PIBF1: variants seen among roughly 807,000 people sequenced by gnomAD.
The protein encoded by PIBF1 is progesterone-induced-blocking factor 1.
Under a neutral mutation model 112.5 loss-of-function variants are expected in PIBF1, and 90 were observed. The ratio of observed to expected loss-of-function variants is 0.80; its 90% CI spans 0.67 to 0.95. The LOEUF (loss-of-function observed/expected upper bound fraction) is 0.95. PIBF1 is among the 40% of genes least tolerant of loss of function. The probability of loss-of-function intolerance (pLI) is 0.00; values close to 1 mark genes in which losing one functional copy is unlikely to be tolerated. For missense variants in PIBF1, 915 were observed against 852.3 expected, an observed-to-expected ratio of 1.07 and a Z score of -0.92; for synonymous variants, 301 against 288.6, an observed-to-expected ratio of 1.04 and a Z score of -0.44.
chr13:72,924,021 G>C (rs996173375), intron 13 of PIBF1, among the ~76,000 whole-genome samples: 10 of 152,142 alleles, frequency 6.6e-5, no homozygotes, highest in African/African-American at 2.4e-4. Flanking sequence ...TATGTTTATT[G>C]TGTTAAGGAG....
At chr13:72,816,465 C>G (rs1473402065) in intron 5 of PIBF1, among the ~76,000 whole-genome samples, 1 of 152,026 alleles carries the variant, frequency 6.6e-6, no homozygotes, top group Non-Finnish European at 1.5e-5. Context: ...GAGTTCAAGA[C>G]TGCTCTGGAC....
At chr13:72,817,961 G>A (rs1261678861) in intron 5 of PIBF1, among the ~76,000 whole-genome samples, 1 of 152,068 alleles carries the variant, frequency 6.6e-6, no homozygotes, top group Non-Finnish European at 1.5e-5. Context: ...TTGAAAAATT[G>A]TAAATAAAGT....
chr13:72,901,979 G>A (rs982929987), intron 11 of PIBF1, among the ~76,000 whole-genome samples: 1 of 93,596 alleles, frequency 1.1e-5, no homozygotes, highest in African/African-American at 3.8e-5. Flanking sequence ...CAATCGAATG[G>A]ATAAAGAAAC....
rs977562882 is a variant in PIBF1 at position 72,931,768 on chromosome 13, A to C, written c.1833+501A>C. Among the ~76,000 whole-genome samples, 18 of 131,898 alleles carry C rather than the reference A, an allele frequency of 1.4e-4. 1 individual carries two copies. The highest frequency in any genetic ancestry group is 2.9e-4 in the Non-Finnish European group (18 of 61,898). The allele number at this position is 131,898 out of a possible 152,430, so 86.5% of individuals were successfully genotyped here. A position where few individuals can be genotyped will look rare whatever the true frequency, so the allele number is the denominator to read the frequency against. ...TGTATGCATTTTACATAGCATTTTT[A>C]ATCATCTTCTGATGTCAAGATCTAA... On this transcript the variant is annotated intron_variant, in intron 14 of 17. Transcript: ENST00000326291.
At chr13:72,929,823 T>C (rs1488265712) in intron 13 of PIBF1, among the ~76,000 whole-genome samples, 1 of 152,178 alleles carries the variant, frequency 6.6e-6, no homozygotes, top group Non-Finnish European at 1.5e-5. Flanking sequence ...TATGAGTTCT[T>C]AGAAATAGAT....
chr13:72,931,721 T>A, intron 14 of PIBF1, among the ~76,000 whole-genome samples: 1 of 88,134 alleles, frequency 1.1e-5, no homozygotes, highest in East Asian at 2.9e-4. Flanking sequence ...AAACTACGTA[T>A]ATATATATAT....
At chr13:72,958,295 G>A (rs1463754471) in intron 14 of PIBF1, among the ~76,000 whole-genome samples, 5 of 89,796 alleles carry the variant, frequency 5.6e-5, no homozygotes, top group Non-Finnish European at 7.7e-5. Context: ...GGATGACAAA[G>A]CAAGACCCTA....
Position 72,964,586 on chromosome 13 carries a change from AATT to A in PIBF1, c.1834-684_1834-682del, listed in dbSNP as rs535342974. 4.1e-3 allele frequency among the ~76,000 whole-genome samples: 625 copies of A among 152,334 alleles called. 3 individuals are homozygous for A. The highest frequency in any genetic ancestry group is 6.6e-3 in the Admixed American group (101 of 15,298). On this transcript the variant is annotated intron_variant, in intron 14 of 17. Coordinates refer to ENST00000326291, the MANE Select transcript of PIBF1 (RefSeq NM_006346.4). Reference sequence around the variant, plus strand: ...ACAAGGGAATATGAAGAAATGAAAAAATTATTGAATTATGGTGTGAATATTTTT... The same window carrying A: ...ACAAGGGAATATGAAGAAATGAAAAAATTGAATTATGGTGTGAATATTTTT...
intron 11 of PIBF1, among the ~76,000 whole-genome samples, chr13:72,898,584 C>G (rs1199119336): frequency 6.6e-6 from 1 of 151,842 alleles, no homozygotes; most frequent in Non-Finnish European, 1.5e-5. Context: ...CGCCTGTAAT[C>G]CCAGCACTTT....
At chr13:72,884,792 T>C (rs2039778964) in intron 10 of PIBF1, 1 of 152,176 alleles carries the variant, frequency 6.6e-6, no homozygotes, top group African/African-American at 2.4e-5. Context: ...TTATATTTAC[T>C]ATCTATTTGT....
intron 10 of PIBF1, among the ~76,000 whole-genome samples, chr13:72,863,920 G>A (rs759098607): frequency 1.3e-5 from 2 of 152,152 alleles, no homozygotes; most frequent in Non-Finnish European, 2.9e-5. Flanking sequence ...GTTGCCAGAG[G>A]CAATGATCAC....
chr13:72,937,771 C>T (rs1448743185), intron 14 of PIBF1, among the ~76,000 whole-genome samples: 1 of 151,864 alleles, frequency 6.6e-6, no homozygotes, highest in Non-Finnish European at 1.5e-5. Flanking sequence ...GCCGAGATCG[C>T]GCCACTTCAC....
At chr13:73,013,208 G>A (rs1240083106) in intron 17 of PIBF1, among the ~76,000 whole-genome samples, 2 of 150,192 alleles carry the variant, frequency 1.3e-5, no homozygotes, top group African/African-American at 5.0e-5. Context: ...GGCTGAGGCA[G>A]GAGAATGGCG....
rs1302129335 is a variant in PIBF1, at chr13:72,784,501, G to A, written c.252+780G>A. 2.0e-5 allele frequency among the ~76,000 whole-genome samples: 3 copies of A among 151,810 alleles called. No individual in the cohort carries two copies. The East Asian group carries it at 5.9e-4, about 30-fold the overall frequency. ...AGGCCAAGTGCGGTGGCTCACACCT[G>A]TAATTCCAGCACTTTGGATGCTGAG... On this transcript the variant is annotated intron_variant, in intron 2 of 17. Coordinates refer to ENST00000326291, the MANE Select transcript of PIBF1 (RefSeq NM_006346.4).
chr13:72,933,724 G>T (rs1283141090), intron 14 of PIBF1, among the ~76,000 whole-genome samples: 1 of 152,150 alleles, frequency 6.6e-6, no homozygotes, highest in Non-Finnish European at 1.5e-5. Flanking sequence ...GGGAGAAAAT[G>T]TAAGAAATTA....
intron 10 of PIBF1, among the ~76,000 whole-genome samples, chr13:72,859,147 C>A (rs577230904): frequency 6.6e-6 from 1 of 152,206 alleles, no homozygotes; most frequent in African/African-American, 2.4e-5. Flanking sequence ...AGATTATGCT[C>A]AGTAAGCAGC....
At chr13:72,860,306 GGGGTGTGTGT>G (rs1169130660) in intron 10 of PIBF1, among the ~76,000 whole-genome samples, 1 of 91,342 alleles carries the variant, frequency 1.1e-5, no homozygotes, top group Non-Finnish European at 2.3e-5. Context: ...TGTTTTTTTA[GGGGTGTGTGT>G]GTGTGTGTGT....
At chr13:72,995,182 A>G (rs1216535653) in intron 16 of PIBF1, among the ~76,000 whole-genome samples, 2 of 151,742 alleles carry the variant, frequency 1.3e-5, no homozygotes, top group Non-Finnish European at 2.9e-5. Context: ...GGCACCTGTA[A>G]TCCCAGCTAC....
At chr13:72,783,107 G>A (rs2138284447) in intron 1 of PIBF1, among the ~76,000 whole-genome samples, 1 of 152,252 alleles carries the variant, frequency 6.6e-6, no homozygotes, top group African/African-American at 2.4e-5. Flanking sequence ...TTATCTTTGA[G>A]CATGTGTTGG....
Sources: allele counts gnomAD v4.1 joint callset (sites outside exome capture counted in the v4.1 genomes callset), GRCh38; gene constraint gnomAD v4.1.1; transcripts MANE v1.5; gene names NCBI Gene and HGNC (gene_info 2026-07-23, HGNC 2026-07-21).